Variants in MCPH1 observed in about 807,000 individuals in gnomAD.
MCPH1 encodes microcephalin.
Under a neutral mutation model 84.5 loss-of-function variants are expected in MCPH1, and 104 were observed. The ratio of observed to expected loss-of-function variants is 1.23; its 90% CI spans 1.05 to 1.45. The LOEUF (loss-of-function observed/expected upper bound fraction) is 1.45, where lower values mean the gene tolerates loss of function less well. MCPH1 is among the 40% of genes most tolerant of loss of function. MCPH1 has a pLI of 0.00. For synonymous variants in MCPH1, 514 were observed against 366.8 expected (o/e 1.40, Z -4.58); for missense variants, 1,498 against 1,005.7 (o/e 1.49, Z -6.62).
intron 11 of MCPH1, 113 bp from the exon 12 acceptor site, chr8:6,499,739 T>C (rs1811784038): frequency 1.2e-6 from 1 of 853,816 alleles, no homozygotes; most frequent in Non-Finnish European, 2.0e-6. Flanking sequence ...AACACATCTA[T>C]TTCAGATCTG....
At chr8:6,535,980 C>T (rs1296891957) in intron 12 of MCPH1, among the ~76,000 whole-genome samples, 1 of 151,996 alleles carries the variant, frequency 6.6e-6, no homozygotes, top group African/African-American at 2.4e-5. Flanking sequence ...CTGCTTGAGC[C>T]CAGGAGAGCA....
Position 6,647,719 on chromosome 8 carries a change from G to A in MCPH1, c.*4670G>A, listed in dbSNP as rs1276349387. ...CATTTCTACAAACCGCAAAACTGTA[G>A]AGGCACGAAACAGATTCATGGTCTG... On this transcript the variant is annotated 3_prime_UTR_variant, in exon 14 of 14. Transcript: ENST00000344683. The A allele has an allele frequency of 2.0e-5, 3 of 152,166 alleles. No homozygotes were observed. The highest frequency in any genetic ancestry group is 2.9e-5 in the Non-Finnish European group (2 of 68,032). 9.4% of individuals were successfully genotyped at this position (152,166 alleles called of 1,614,324 possible).
At chr8:6,513,570 T>C (rs1005946531) in intron 12 of MCPH1, 9 of 753,638 alleles carry the variant, frequency 1.2e-5, no homozygotes, top group Non-Finnish European at 1.6e-5. Flanking sequence ...CCTGACCTCG[T>C]GATCTGCCCA....
At chr8:6,617,459 T>C (rs1360231776) in intron 12 of MCPH1, among the ~76,000 whole-genome samples, 2 of 152,042 alleles carry the variant, frequency 1.3e-5, no homozygotes, top group Non-Finnish European at 2.9e-5. Context: ...TAGAAACTTC[T>C]GGGTCAATAT....
chr8:6,506,462 G>T (rs886314599), intron 12 of MCPH1, among the ~76,000 whole-genome samples: 6 of 152,046 alleles, frequency 3.9e-5, no homozygotes, highest in Non-Finnish European at 7.4e-5. Context: ...GGTTATTAAT[G>T]CAATTCTCCT....
chr8:6,639,445 G>C (rs1375808175), intron 13 of MCPH1, among the ~76,000 whole-genome samples: 1 of 152,162 alleles, frequency 6.6e-6, no homozygotes, highest in Non-Finnish European at 1.5e-5. Context: ...TGGACTGCTT[G>C]ATGCCGGGAG....
At chr8:6,530,235 C>T (rs753396237) in intron 12 of MCPH1, among the ~76,000 whole-genome samples, 25 of 152,120 alleles carry the variant, frequency 1.6e-4, no homozygotes, top group Admixed American at 2.6e-4. Context: ...TGGCCAGGTA[C>T]GGTGGCTCAC....
intron 2 of MCPH1, among the ~76,000 whole-genome samples, chr8:6,410,191 G>A (rs1798341715): frequency 6.6e-6 from 1 of 151,772 alleles, no homozygotes; most frequent in Admixed American, 6.6e-5. Context: ...GGCCAGGATG[G>A]TCTCAATCTC....
Position 6,420,897 on chromosome 8 carries a change from G to A in MCPH1, c.233+6014G>A, listed in dbSNP as rs555054855. Among the ~76,000 whole-genome samples, 9 of 152,276 alleles carry A rather than the reference G, an allele frequency of 5.9e-5. No homozygotes were observed. In the South Asian group the frequency reaches 1.2e-3, roughly 21 times the overall value. On this transcript the variant is annotated intron_variant, in intron 3 of 13. Coordinates refer to ENST00000344683, the MANE Select transcript of MCPH1 (RefSeq NM_024596.5). ...GCATAAGGCAAAAGAAGAGACTGAC[G>A]CAAGGGTCAGAGCAGGAGCAGAAGT...
chr8:6,563,568 G>T (rs1326983544), intron 12 of MCPH1, among the ~76,000 whole-genome samples: 2 of 152,184 alleles, frequency 1.3e-5, no homozygotes. Flanking sequence ...AATATCTGAG[G>T]TAATAACTTT....
chr8:6,635,841 T>C (rs992965141), intron 13 of MCPH1, among the ~76,000 whole-genome samples: 1 of 152,122 alleles, frequency 6.6e-6, no homozygotes, highest in Non-Finnish European at 1.5e-5. Flanking sequence ...AAGCACAGCA[T>C]GGTTGGGAGA....
intron 12 of MCPH1, among the ~76,000 whole-genome samples, chr8:6,520,802 A>G (rs1817180318): frequency 6.6e-6 from 1 of 152,236 alleles, no homozygotes; most frequent in South Asian, 2.1e-4. Flanking sequence ...CTTAAGTGCC[A>G]TTGTATTATC....
intron 12 of MCPH1, among the ~76,000 whole-genome samples, chr8:6,546,526 GAAAAT>G (rs1822603814): frequency 2.3e-5 from 3 of 130,800 alleles, no homozygotes; most frequent in Admixed American, 2.3e-4. Context: ...ACTTAAGAAA[GAAAAT>G]AAAGGATCTT....
At chr8:6,462,459 T>C (rs1806392043) in intron 9 of MCPH1, among the ~76,000 whole-genome samples, 1 of 152,238 alleles carries the variant, frequency 6.6e-6, no homozygotes, top group Non-Finnish European at 1.5e-5. Flanking sequence ...TTTTTGGTGC[T>C]CTTAACCATC....
intron 12 of MCPH1, among the ~76,000 whole-genome samples, chr8:6,596,883 A>G (rs1828969823): frequency 1.3e-5 from 2 of 152,246 alleles, no homozygotes; most frequent in Admixed American, 6.5e-5. Flanking sequence ...GAGAAAATAC[A>G]GAAGGACACA....
intron 11 of MCPH1, among the ~76,000 whole-genome samples, chr8:6,497,211 T>C (rs562042096): frequency 3.3e-5 from 5 of 152,054 alleles, no homozygotes; most frequent in Admixed American, 1.3e-4. Context: ...CTGGGTGCGG[T>C]GGCTCACACC....
intron 12 of MCPH1, chr8:6,532,578 A>AG (rs1819730326): frequency 8.1e-6 from 7 of 861,392 alleles, no homozygotes; most frequent in Middle Eastern, 3.3e-4. Flanking sequence ...TATCTTTAAA[A>AG]AAAAAAAAAA....
At chr8:6,478,989 G>T (rs1166650628) in intron 10 of MCPH1, among the ~76,000 whole-genome samples, 1 of 152,206 alleles carries the variant, frequency 6.6e-6, no homozygotes, top group African/African-American at 2.4e-5. Context: ...AGAAGGCTGG[G>T]TGTGTTGGTT....
chr8:6,419,718 G>C (rs955024191), intron 3 of MCPH1, among the ~76,000 whole-genome samples: 2 of 152,010 alleles, frequency 1.3e-5, no homozygotes, highest in African/African-American at 4.8e-5. Flanking sequence ...TTACTATGTA[G>C]GCCAGGCTGG....
Sources: allele counts gnomAD v4.1 joint callset (sites outside exome capture counted in the v4.1 genomes callset), GRCh38; gene constraint gnomAD v4.1.1; transcripts MANE v1.5; gene names NCBI Gene and HGNC (gene_info 2026-07-23, HGNC 2026-07-21).